MCM2: variants seen among roughly 807,000 people sequenced by gnomAD.
MCM2 encodes the protein DNA replication licensing factor MCM2.
Under a neutral mutation model 86.4 loss-of-function variants are expected in MCM2, and 49 were observed. The observed-to-expected ratio is 0.57, with a 90% CI of 0.45 to 0.72. The LOEUF (loss-of-function observed/expected upper bound fraction) is 0.72. Among genes scored for constraint, MCM2 ranks in the 30% least tolerant of loss-of-function variants. The pLI, the probability that MCM2 is intolerant of heterozygous loss-of-function variation, is 0.00. For missense variants in MCM2, 1,038 were observed against 1,259.9 expected (o/e 0.82, Z 2.67); for synonymous variants, 475 against 484.6 (o/e 0.98, Z 0.26).
chr3:127,618,081 G>C lies in MCM2; in HGVS notation c.2013G>C (p.Gln671His). 6.2e-7 allele frequency: 1 copy of C among 1,613,242 alleles called. No homozygotes were observed. Among genetic ancestry groups the C allele is most frequent in the Non-Finnish European group, 8.5e-7 (1 of 1,179,322 alleles). The change falls in exon 12 of 16, where the codon CAG becomes CAC. Residue 671 changes from glutamine (Q) to histidine (H), a missense_variant and splice_region_variant. Transcript: ENST00000265056. The surrounding 1 kb of genome is among the most constrained non-coding windows in gnomAD (Gnocchi z 4.0). ...CVVRDTVDPV[Q>H]DEMLARFVVG... ...TGAGGGACACCGTGGACCCAGTCCA[G>C]GTATAGCTCACATGTGCCCGGTTTC...
intron 8 of MCM2, chr3:127,611,006 C>G (rs1316494018): frequency 2.2e-6 from 1 of 454,856 alleles, no homozygotes; most frequent in Admixed American, 2.4e-5. Context: ...CAGACATGAC[C>G]CTTGCCCTCA....
At position 127,617,555 on chromosome 3, in the gene MCM2, T is replaced by A; in HGVS notation, c.1900+150T>A. The A allele has an allele frequency of 5.0e-6, 5 of 1,008,800 alleles. No homozygotes were observed. The highest frequency in any genetic ancestry group is 7.0e-6 in the Non-Finnish European group (5 of 710,124). The allele number at this position is 1,008,800 out of a possible 1,614,324, so 62.5% of individuals were successfully genotyped here. A position where few individuals can be genotyped will look rare whatever the true frequency, so the allele number is the denominator to read the frequency against. On this transcript the variant is annotated intron_variant, in intron 11 of 15. Coordinates refer to ENST00000265056, the MANE Select transcript of MCM2 (RefSeq NM_004526.4). This position sits in a 1 kb window ranked among gnomAD's most constrained non-coding sequence, Gnocchi z 4.1. ...CCCTCTTCTGCATATCCTGCCAGAG[T>A]GGGGAACAGTGAAAGTGGGACCTGG...
chr3:127,611,371 CT>C (rs1184162869), intron 8 of MCM2, among the ~76,000 whole-genome samples: 1 of 152,232 alleles, frequency 6.6e-6, no homozygotes, highest in African/African-American at 2.4e-5. Flanking sequence ...CTTCCTTTGC[CT>C]TGAGCTTCAG....
At chr3:127,620,567 A>G in intron 13 of MCM2, 131 bp from the exon 14 acceptor site, 1 of 898,286 alleles carries the variant, frequency 1.1e-6, no homozygotes, top group African/African-American at 1.7e-5. Flanking sequence ...AGCGCAGTCA[A>G]GCATTCTGCA....
intron 7 of MCM2, 139 bp from the exon 8 acceptor site, chr3:127,608,693 T>G: frequency 8.4e-7 from 1 of 1,186,956 alleles, no homozygotes; most frequent in Non-Finnish European, 1.2e-6. Flanking sequence ...AATGGTGGGT[T>G]TAGGAGGGGT....
chr3:127,609,738 C>T (rs935531613), intron 8 of MCM2, among the ~76,000 whole-genome samples: 4 of 151,940 alleles, frequency 2.6e-5, no homozygotes, highest in African/African-American at 9.7e-5. Flanking sequence ...TGCTGTTTCT[C>T]CCACATTACC....
intron 4 of MCM2, among the ~76,000 whole-genome samples, chr3:127,605,683 G>T (rs905938412): frequency 2.6e-5 from 4 of 151,724 alleles, no homozygotes; most frequent in Non-Finnish European, 5.9e-5. Flanking sequence ...CAGGTGATTT[G>T]CCCGCCTTGG....
At chr3:127,598,888 T>A (rs1338642134) in intron 1 of MCM2, 13 of 348,480 alleles carry the variant, frequency 3.7e-5, no homozygotes, top group South Asian at 2.4e-4. Flanking sequence ...TACTGTCTGT[T>A]CCACATCTGA....
chr3:127,617,749 T>C lies in MCM2; in HGVS notation c.1901-220T>C, dbSNP rs2074444430. 1.7e-6 allele frequency: 1 copy of C among 590,130 alleles called. No individual in the cohort carries two copies. The highest frequency in any genetic ancestry group is 3.0e-6 in the Non-Finnish European group (1 of 331,688). 36.6% of individuals were successfully genotyped at this position (590,130 alleles called of 1,614,324 possible). A position where few individuals can be genotyped will look rare whatever the true frequency, so the allele number is the denominator to read the frequency against. Reference sequence around the variant, plus strand: ...CTGTCACCCACTGTGTTCTTGGTTTTTCCTCCTGGGGAAGCAGTTATGCTT... The same window carrying C: ...CTGTCACCCACTGTGTTCTTGGTTTCTCCTCCTGGGGAAGCAGTTATGCTT... On this transcript the variant is annotated intron_variant, in intron 11 of 15. Transcript: ENST00000265056. This position sits in a 1 kb window ranked among gnomAD's most constrained non-coding sequence, Gnocchi z 4.1.
At chr3:127,609,832 A>G (rs539051443) in intron 8 of MCM2, among the ~76,000 whole-genome samples, 7 of 136,340 alleles carry the variant, frequency 5.1e-5, no homozygotes, top group Non-Finnish European at 1.1e-4. Context: ...TTCTCAGTCA[A>G]CTTCCTTTTT....
At chr3:127,607,276 A>G (rs2074358825) in intron 6 of MCM2, among the ~76,000 whole-genome samples, 1 of 152,212 alleles carries the variant, frequency 6.6e-6, no homozygotes, top group Non-Finnish European at 1.5e-5. Context: ...CACCATATTC[A>G]GGAGACGCTG....
In MCM2 at chr3:127,616,735, G is replaced by T. The variant is rs561787722; in HGVS notation, c.1523-133G>T. ...GTGGGACTGCATGGCGTAGGGCATT[G>T]TATCCCTTTCTAGAGGGACTGTGCC... On this transcript the variant is annotated intron_variant, in intron 9 of 15. Transcript: ENST00000265056. The T allele has an allele frequency of 2.6e-3, 2,595 of 995,960 alleles. 11 individuals carry two copies. Among genetic ancestry groups the T allele is most frequent in the Middle Eastern group, 3.9e-3 (12 of 3,100 alleles). The allele number at this position is 995,960 out of a possible 1,614,324, so 61.7% of individuals were successfully genotyped here.
Position 127,604,779 on chromosome 3 carries a change from G to A in MCM2, c.408G>A (p.Leu136=). 2 of 1,587,430 alleles carry A rather than the reference G, an allele frequency of 1.3e-6. No homozygotes were observed. The highest frequency in any genetic ancestry group is 8.6e-7 in the Non-Finnish European group (1 of 1,167,172). The change falls in exon 3 of 16, where the codon CTG becomes CTA. Residue 136 remains leucine, a synonymous_variant. Transcript: ENST00000265056. ...RGLGRMRRGL[L]YDSDEEDEER... is the part of the protein sequence containing the mutation. ...TGGGCCGCATGCGCCGTGGGCTCCT[G>A]TATGGTAGGTCCAGTTGTCTGCCTG... is the stretch of plus-strand genomic sequence containing the variant.
chr3:127,599,476 G>T lies in MCM2; in HGVS notation c.165G>T (p.Gly55=), dbSNP rs1482517451. 6.2e-7 allele frequency: 1 copy of T among 1,614,214 alleles called. No homozygotes were observed. The highest frequency in any genetic ancestry group is 8.5e-7 in the Non-Finnish European group (1 of 1,180,028). Residue 55 remains glycine (G), a synonymous_variant, in exon 2 of 16, where the codon GGG becomes GGT. Transcript: ENST00000265056. ...CACCATTTGAGGATGAGTCCGAGGG[G>T]CTCCTAGGCACAGAGGGGCCCCTGG... ...DLPPFEDESE[G]LLGTEGPLEE...
intron 13 of MCM2, among the ~76,000 whole-genome samples, 183 bp from the exon 14 acceptor site, chr3:127,620,515 C>T (rs2107696958): frequency 6.6e-6 from 1 of 152,360 alleles, no homozygotes; most frequent in Non-Finnish European, 1.5e-5. Flanking sequence ...CACTGGCATC[C>T]TCTGATTTCC....
chr3:127,616,017 C>A, intron 9 of MCM2, 62 bp downstream of exon 9: 1 of 1,281,588 alleles, frequency 7.8e-7, no homozygotes, highest in South Asian at 1.2e-5. Context: ...AGCCAGCATT[C>A]AAAGAAGGAC....
At position 127,618,662 on chromosome 3, in the gene MCM2, A is replaced by G. The variant is rs1224389999; in HGVS notation, c.2014-365A>G. Among the ~76,000 whole-genome samples the G allele has an allele frequency of 6.6e-6, 1 of 152,010 alleles. No homozygotes were observed. The highest frequency in any genetic ancestry group is 2.4e-5 in the African/African-American group (1 of 41,368). ...TCTCCCACACTGTCACATGACTTGCATCTCATTGTCGTCATCTCAGCTCCC... is the reference window on the plus strand; with the variant it reads ...TCTCCCACACTGTCACATGACTTGCGTCTCATTGTCGTCATCTCAGCTCCC... On this transcript the variant is annotated intron_variant, in intron 12 of 15. Coordinates refer to ENST00000265056, the MANE Select transcript of MCM2 (RefSeq NM_004526.4). This position sits in a 1 kb window ranked among gnomAD's most constrained non-coding sequence, Gnocchi z 4.0.
At chr3:127,609,546 G>A (rs1354815843) in intron 8 of MCM2, among the ~76,000 whole-genome samples, 1 of 152,086 alleles carries the variant, frequency 6.6e-6, no homozygotes, top group Non-Finnish European at 1.5e-5. Context: ...CCTGGCTCAA[G>A]ATCCTCTCAC....
At chr3:127,604,505 GGGGCTCCTGAACCTT>G in intron 2 of MCM2, 88 bp from the exon 3 acceptor site, 1 of 1,204,062 alleles carries the variant, frequency 8.3e-7, no homozygotes, top group Non-Finnish European at 1.2e-6. Context: ...TACCCACAAT[GGGGCTCCTGAACCTT>G]AGGGAACAGG....
Sources: allele counts gnomAD v4.1 joint callset (sites outside exome capture counted in the v4.1 genomes callset), GRCh38; gene constraint gnomAD v4.1.1; non-coding constraint Gnocchi (gnomAD v3.1); transcripts MANE v1.5; gene names NCBI Gene and HGNC (gene_info 2026-07-23, HGNC 2026-07-21).